The following CFAP54 variants were observed in gnomAD, a reference collection of about 807,000 sequenced individuals.
CFAP54 encodes cilia and flagella associated protein 54.
Under a neutral mutation model 370.4 loss-of-function variants are expected in CFAP54, and 290 were observed. That is an observed-to-expected ratio of 0.78 (90% CI 0.71 to 0.86). The LOEUF is 0.86. CFAP54 is among the 40% of genes least tolerant of loss of function. CFAP54 has a pLI of 0.00. For missense variants in CFAP54, 3,399 were observed against 3,528.7 expected (o/e 0.96, Z 0.93); for synonymous variants, 1,206 against 1,236.5 (o/e 0.98, Z 0.52).
intron 50 of CFAP54, among the ~76,000 whole-genome samples, chr12:96,730,048 A>T (rs1957902748): frequency 6.6e-6 from 1 of 152,198 alleles, no homozygotes; most frequent in Non-Finnish European, 1.5e-5. Flanking sequence ...CTAATACAGA[A>T]TAAAGTTATC....
chr12:96,826,626 T>TTATATATTAAATATAG (rs1371874759), intron 65 of CFAP54, among the ~76,000 whole-genome samples: 1 of 108,854 alleles, frequency 9.2e-6, no homozygotes, highest in Non-Finnish European at 1.7e-5. Context: ...ATGATATATG[T>TTATATATTAAATATAG]TATATATTAA....
intron 60 of CFAP54, among the ~76,000 whole-genome samples, chr12:96,770,957 T>C (rs1302134440): frequency 1.3e-5 from 2 of 152,244 alleles, no homozygotes; most frequent in African/African-American, 2.4e-5. Context: ...GCTGGACTGC[T>C]TGGATGGAGT....
At chr12:96,600,463 A>C (rs1206299249) in intron 26 of CFAP54, among the ~76,000 whole-genome samples, 1 of 152,176 alleles carries the variant, frequency 6.6e-6, no homozygotes, top group Admixed American at 6.5e-5. Flanking sequence ...TGTCTTGGCT[A>C]TGTGGACTCT....
chr12:96,681,253 G>C (rs998014278), intron 40 of CFAP54, among the ~76,000 whole-genome samples: 1 of 152,106 alleles, frequency 6.6e-6, no homozygotes, highest in East Asian at 1.9e-4. Flanking sequence ...CTAGTCCTCA[G>C]GCTGTAGACT....
At chr12:96,555,064 A>G in intron 17 of CFAP54, 1 of 233,662 alleles carries the variant, frequency 4.3e-6, no homozygotes, top group Non-Finnish European at 8.2e-6. Flanking sequence ...ATTTTTTGTT[A>G]ATTCAACCAA....
intron 66 of CFAP54, among the ~76,000 whole-genome samples, chr12:96,845,450 T>TCTA (rs1280855102): frequency 6.6e-6 from 1 of 152,180 alleles, no homozygotes; most frequent in Non-Finnish European, 1.5e-5. Flanking sequence ...CTCAACCCTC[T>TCTA]CTAGCAACTT....
At chr12:96,704,468 ATATATATATATATATATATATATAT>A (rs1957526053) in intron 46 of CFAP54, among the ~76,000 whole-genome samples, 1 of 89,614 alleles carries the variant, frequency 1.1e-5, no homozygotes, top group African/African-American at 5.7e-5. Context: ...ATATATATAT[ATATATATATATATATATATATATAT>A]ATATATATTT....
At chr12:96,541,123 TA>T in intron 14 of CFAP54, 136 bp downstream of exon 14, 1 of 488,404 alleles carries the variant, frequency 2.0e-6, no homozygotes, top group Non-Finnish European at 3.3e-6. Flanking sequence ...TAATTAGAGA[TA>T]GATAATAAGA....
intron 38 of CFAP54, among the ~76,000 whole-genome samples, chr12:96,660,571 T>A (rs1316429232): frequency 1.3e-5 from 2 of 152,194 alleles, no homozygotes; most frequent in African/African-American, 4.8e-5. Flanking sequence ...CAAGTCTATC[T>A]TATCTCTGGA....
At position 96,622,532 on chromosome 12, in the gene CFAP54, T is replaced by C. The variant is rs1956509629; in HGVS notation, c.3771+811T>C. ...ACCTGGCTAATTTTTGTATTTTTAG[T>C]AGAGATGGGGTTTCACCATGTTGGC... is the stretch of plus-strand genomic sequence containing the variant. On this transcript the variant is annotated intron_variant, in intron 27 of 67. Coordinates refer to ENST00000524981, the MANE Select transcript of CFAP54 (RefSeq NM_001306084.2). Among the ~76,000 whole-genome samples the C allele has an allele frequency of 2.6e-5, 4 of 152,150 alleles. No individual in the cohort carries two copies. In the South Asian group the frequency reaches 8.3e-4, roughly 32 times the overall value.
Position 96,786,709 on chromosome 12 carries a change from A to G in CFAP54, c.8490A>G (p.Pro2830=). 1 of 1,534,662 alleles carries G rather than the reference A, an allele frequency of 6.5e-7. No individual in the cohort carries two copies. The highest frequency in any genetic ancestry group is 8.7e-7 in the Non-Finnish European group (1 of 1,146,194). The change falls in exon 62 of 68, where the codon CCA becomes CCG. Residue 2830 remains proline (P), a synonymous_variant. Coordinates refer to ENST00000524981, the MANE Select transcript of CFAP54 (RefSeq NM_001306084.2). ...SATPVSGISL[P]DDTLLTSLYN... is the part of the protein sequence containing the mutation. The stretch of plus-strand genomic sequence containing the variant: ...CACCAGTATCTGGAATTTCTTTGCC[A>G]GATGATACACTTCTCACATCCCTTT...
intron 4 of CFAP54, among the ~76,000 whole-genome samples, chr12:96,510,988 A>G (rs1282137151): frequency 6.6e-6 from 1 of 150,994 alleles, no homozygotes; most frequent in Non-Finnish European, 1.5e-5. Context: ...AAAAGAAATG[A>G]AAAAGATGAA....
Position 96,534,182 on chromosome 12 carries a change from GA to G in CFAP54, c.1662del (p.Gly555AspfsTer8). ...GATCTTTCCTTTGGAAAACTATAAA[GA>G]AGGACAGTCAACTCAAATTTATTTA... ...GLIFPLENYKEGQSTQIYLKK... is the reference protein window; with the variant it reads ...GLIFPLENYKXGQSTQIYLKK... On this transcript the variant is annotated frameshift_variant, in exon 11 of 68. Coordinates refer to ENST00000524981, the MANE Select transcript of CFAP54 (RefSeq NM_001306084.2). LOFTEE classifies it high-confidence loss of function. 1 of 1,504,508 alleles carries G rather than the reference GA, an allele frequency of 6.6e-7. No individual in the cohort carries two copies. Among genetic ancestry groups the G allele is most frequent in the Non-Finnish European group, 8.9e-7 (1 of 1,123,580 alleles). The allele number at this position is 1,504,508 out of a possible 1,614,324, so 93.2% of individuals were successfully genotyped here.
chr12:96,874,471 G>C (rs1305101830), intron 67 of CFAP54, among the ~76,000 whole-genome samples: 3 of 152,050 alleles, frequency 2.0e-5, no homozygotes, highest in Non-Finnish European at 2.9e-5. Context: ...CAGAAGAATA[G>C]AAAATAAAAC....
intron 12 of CFAP54, 63 bp from the exon 13 acceptor site, chr12:96,538,321 G>C: frequency 3.0e-6 from 4 of 1,353,732 alleles, no homozygotes; most frequent in Non-Finnish European, 4.0e-6. Context: ...TCAGCACACA[G>C]TAAATGTTAT....
At chr12:96,581,138 T>TG (rs1401391354) in intron 22 of CFAP54, 33 bp downstream of exon 22, 2 of 1,367,630 alleles carry the variant, frequency 1.5e-6, no homozygotes, top group East Asian at 2.7e-5. Flanking sequence ...TTTTCCACTG[T>TG]GTTTTTTTTT....
chr12:96,864,488 G>A (rs933484289), intron 67 of CFAP54, among the ~76,000 whole-genome samples: 25 of 152,148 alleles, frequency 1.6e-4, no homozygotes, highest in Admixed American at 5.2e-4. Flanking sequence ...CTCAGCCAAC[G>A]TGTTCGTCAC....
intron 51 of CFAP54, among the ~76,000 whole-genome samples, chr12:96,740,767 TAA>T (rs1958041373): frequency 6.6e-6 from 1 of 152,204 alleles, no homozygotes; most frequent in Non-Finnish European, 1.5e-5. Context: ...TGACTTAGAA[TAA>T]TGATTGTCAA....
chr12:96,773,555 A>G (rs183310233), intron 60 of CFAP54, among the ~76,000 whole-genome samples: 7 of 152,376 alleles, frequency 4.6e-5, no homozygotes, highest in African/African-American at 7.2e-5. Context: ...CCAACCTGGT[A>G]TATGCACTGA....
Sources: allele counts gnomAD v4.1 joint callset (sites outside exome capture counted in the v4.1 genomes callset), GRCh38; gene constraint gnomAD v4.1.1; transcripts MANE v1.5; gene names NCBI Gene and HGNC (gene_info 2026-07-23, HGNC 2026-07-21).